The following REEP1 variants were observed in gnomAD, a reference collection of about 807,000 sequenced individuals.
The protein encoded by REEP1 is receptor expression-enhancing protein 1.
REEP1 carries 22 observed loss-of-function variants against 40.3 expected under a neutral mutation model. The ratio of observed to expected loss-of-function variants is 0.55; its 90% CI spans 0.39 to 0.78. The LOEUF is 0.78. REEP1 is among the 30% of genes least tolerant of loss of function. REEP1 has a pLI of 0.00. For synonymous variants in REEP1, 116 were observed against 139.2 expected, an observed-to-expected ratio of 0.83 and a Z score of 1.17; for missense variants, 280 against 361.1, an observed-to-expected ratio of 0.78 and a Z score of 1.82.
intron 3 of REEP1, among the ~76,000 whole-genome samples, chr2:86,263,453 G>C (rs1676969322): frequency 6.6e-6 from 1 of 152,012 alleles, no homozygotes; most frequent in African/African-American, 2.4e-5. Context: ...TAGCCAGGCT[G>C]GTCTCAAAAT....
chr2:86,254,569 G>T, intron 4 of REEP1, 125 bp downstream of exon 4: 1 of 972,500 alleles, frequency 1.0e-6, no homozygotes, highest in Non-Finnish European at 1.6e-6. Flanking sequence ...CGATTAGGAG[G>T]AATGACTTGC....
intron 1 of REEP1, among the ~76,000 whole-genome samples, chr2:86,293,616 T>C (rs1375142001): frequency 6.6e-6 from 1 of 152,222 alleles, no homozygotes; most frequent in Non-Finnish European, 1.5e-5. Context: ...GAAAATTTAA[T>C]CAGGAAAATC....
At chr2:86,230,044 AG>A (rs1674924225) in intron 6 of REEP1, among the ~76,000 whole-genome samples, 1 of 152,170 alleles carries the variant, frequency 6.6e-6, no homozygotes, top group African/African-American at 2.4e-5. Flanking sequence ...GCGGAGGCCA[AG>A]GGGGCCAGCA....
chr2:86,236,516 T>C (rs1402558367), intron 5 of REEP1, among the ~76,000 whole-genome samples: 1 of 152,076 alleles, frequency 6.6e-6, no homozygotes, highest in Non-Finnish European at 1.5e-5. Context: ...ATTATCATAC[T>C]AAAAGCTCTG....
chr2:86,249,618 T>A (rs906654257), intron 5 of REEP1, among the ~76,000 whole-genome samples: 3 of 149,204 alleles, frequency 2.0e-5, no homozygotes, highest in Admixed American at 2.0e-4. Flanking sequence ...GAGAATCTAT[T>A]AAAAAAAAAA....
intron 1 of REEP1, among the ~76,000 whole-genome samples, chr2:86,289,985 A>G (rs1262540483): frequency 2.0e-5 from 3 of 152,002 alleles, no homozygotes; most frequent in Non-Finnish European, 4.4e-5. Context: ...GACTCCATTT[A>G]TATGCTCTTT....
At chr2:86,337,648 C>T (rs868100635), upstream of REEP1, 73 of 1,046,810 alleles carry the variant, frequency 7.0e-5, no homozygotes, top group Middle Eastern at 1.8e-3. This position sits in a 1 kb window ranked among gnomAD's most constrained non-coding sequence, Gnocchi z 5.8. Flanking sequence ...CCGCCCTGCC[C>T]GGCGTTCGCG....
intron 1 of REEP1, among the ~76,000 whole-genome samples, chr2:86,329,689 C>A (rs1680675091): frequency 6.6e-6 from 1 of 152,106 alleles, no homozygotes; most frequent in African/African-American, 2.4e-5. Flanking sequence ...GCAGATTCAC[C>A]AGGCCTGGGA....
At chr2:86,273,140 CAA>C (rs35100792) in intron 2 of REEP1, among the ~76,000 whole-genome samples, 2 of 144,718 alleles carry the variant, frequency 1.4e-5, no homozygotes, top group Non-Finnish European at 1.5e-5. Flanking sequence ...GACCCTGTCT[CAA>C]AAAAAAAAAA....
intron 1 of REEP1, among the ~76,000 whole-genome samples, chr2:86,289,008 C>T (rs192229542): frequency 2.0e-4 from 30 of 152,258 alleles, no homozygotes; most frequent in African/African-American, 6.3e-4. Flanking sequence ...CGGACATATG[C>T]ATTACAAATG....
At chr2:86,295,138 T>C (rs1185305238) in intron 1 of REEP1, among the ~76,000 whole-genome samples, 1 of 152,224 alleles carries the variant, frequency 6.6e-6, no homozygotes, top group Non-Finnish European at 1.5e-5. Flanking sequence ...GCACGTGTCT[T>C]AATTATGAGT....
chr2:86,260,449 C>T (rs1393073538), intron 3 of REEP1, among the ~76,000 whole-genome samples: 1 of 152,188 alleles, frequency 6.6e-6, no homozygotes, highest in Non-Finnish European at 1.5e-5. Flanking sequence ...AAACATCCCC[C>T]TGTGGTAGGC....
chr2:86,271,073 T>A (rs1404850685), intron 2 of REEP1, among the ~76,000 whole-genome samples: 2 of 151,888 alleles, frequency 1.3e-5, no homozygotes, highest in African/African-American at 4.8e-5. Context: ...GTGCCTGTAG[T>A]CCCAGTTACT....
At chr2:86,291,642 A>C (rs1572992933) in intron 1 of REEP1, among the ~76,000 whole-genome samples, 1 of 151,874 alleles carries the variant, frequency 6.6e-6, no homozygotes, top group African/African-American at 2.4e-5. Context: ...CCCAGTTTAC[A>C]AATAAAAAAA....
chr2:86,319,032 G>A (rs527363630), intron 1 of REEP1, among the ~76,000 whole-genome samples: 1 of 152,308 alleles, frequency 6.6e-6, no homozygotes, highest in African/African-American at 2.4e-5. Context: ...CGGAGCCCCA[G>A]AAAGGTAAAT....
chr2:86,300,604 A>G (rs966089927), intron 1 of REEP1, among the ~76,000 whole-genome samples: 1 of 152,134 alleles, frequency 6.6e-6, no homozygotes, highest in Non-Finnish European at 1.5e-5. Context: ...AAAGAAACAG[A>G]TAAGTGAGAC....
At chr2:86,217,140 A>G in intron 8 of REEP1, 30 bp from the exon 9 acceptor site, 1 of 1,591,722 alleles carries the variant, frequency 6.3e-7, no homozygotes, top group East Asian at 2.2e-5. Flanking sequence ...GGTGTCCCTC[A>G]GTTTGGTGTA....
chr2:86,332,436 A>AC (rs1680813309), intron 1 of REEP1, among the ~76,000 whole-genome samples: 1 of 136,136 alleles, frequency 7.3e-6, no homozygotes, highest in Non-Finnish European at 1.6e-5. Context: ...CTTTCCTGGA[A>AC]ACACACACAC....
At chr2:86,325,676 G>A (rs529778199) in intron 1 of REEP1, among the ~76,000 whole-genome samples, 4 of 152,288 alleles carry the variant, frequency 2.6e-5, no homozygotes, top group Admixed American at 6.5e-5. Context: ...ACCAGAAGCT[G>A]GAAGAAGCAA....
Sources: gnomAD v4.1 joint callset for allele counts (sites outside exome capture counted in the v4.1 genomes callset) on GRCh38, gnomAD v4.1.1 for gene constraint, Gnocchi (gnomAD v3.1) non-coding constraint, MANE v1.5 for transcripts, NCBI Gene and HGNC (gene_info 2026-07-23, HGNC 2026-07-21) for gene names.